RNF180: variants seen among roughly 807,000 people sequenced by gnomAD.
RNF180 encodes ring finger protein 180, also known as E3 ubiquitin-protein ligase RNF180.
A neutral mutation model predicts 59.2 loss-of-function variants in RNF180; 38 were observed. The observed-to-expected ratio is 0.64, with a 90% CI of 0.50 to 0.84. The LOEUF (loss-of-function observed/expected upper bound fraction) is 0.84. Among genes scored for constraint, RNF180 ranks in the 40% least tolerant of loss-of-function variants. RNF180 has a pLI of 0.00. For missense variants in RNF180, 705 were observed against 700.9 expected, an observed-to-expected ratio of 1.01 and a Z score of -0.07; for synonymous variants, 262 against 240.3, an observed-to-expected ratio of 1.09 and a Z score of -0.84.
chr5:64,193,120 C>A (rs956683361), intron 1 of RNF180, among the ~76,000 whole-genome samples: 1 of 151,228 alleles, frequency 6.6e-6, no homozygotes, highest in Non-Finnish European at 1.5e-5. Context: ...TTGTGACTGT[C>A]GGGATGGGGG....
chr5:64,183,441 CTTTTTTT>C (rs367772828), intron 1 of RNF180, among the ~76,000 whole-genome samples: 1 of 89,914 alleles, frequency 1.1e-5, no homozygotes, highest in Non-Finnish European at 2.1e-5. Context: ...GAAAGTATAC[CTTTTTTT>C]TTTTTTTTTT....
chr5:64,304,663 G>GA (rs2112463953), intron 5 of RNF180, among the ~76,000 whole-genome samples: 1 of 151,796 alleles, frequency 6.6e-6, no homozygotes, highest in South Asian at 2.1e-4. Flanking sequence ...GATAAGCAAT[G>GA]AAAGTGGTGG....
At chr5:64,276,319 G>GGTGTGTGTGTGT (rs375203511) in intron 5 of RNF180, among the ~76,000 whole-genome samples, 1,884 of 138,136 alleles carry the variant, frequency 0.014, 15 homozygotes, top group African/African-American at 0.022. Flanking sequence ...AAAATACATT[G>GGTGTGTGTGTGT]GTGTGTGTGT....
At chr5:64,315,193 TTAAG>T (rs1325071478) in intron 5 of RNF180, among the ~76,000 whole-genome samples, 1 of 152,212 alleles carries the variant, frequency 6.6e-6, no homozygotes, top group Non-Finnish European at 1.5e-5. Flanking sequence ...ACAAAAGTCA[TTAAG>T]TATTGGGAAT....
intron 5 of RNF180, among the ~76,000 whole-genome samples, chr5:64,258,731 A>G (rs1178557408): frequency 6.6e-6 from 1 of 152,162 alleles, no homozygotes; most frequent in Non-Finnish European, 1.5e-5. Context: ...CTGGGCTGAG[A>G]TATACTTTGA....
intron 5 of RNF180, among the ~76,000 whole-genome samples, chr5:64,232,603 A>G (rs1445173029): frequency 2.0e-5 from 3 of 152,250 alleles, no homozygotes; most frequent in East Asian, 1.9e-4. Flanking sequence ...GTCAAAAGTC[A>G]TAAGATTGAT....
intron 5 of RNF180, among the ~76,000 whole-genome samples, chr5:64,241,272 G>A (rs144284997): frequency 6.6e-6 from 1 of 152,240 alleles, no homozygotes; most frequent in East Asian, 1.9e-4. Context: ...TACTCATTTT[G>A]CCAGTCTCCT....
chr5:64,234,603 TTTTTTTTTTTTTTTG>T (rs1742305412), intron 5 of RNF180, among the ~76,000 whole-genome samples: 1 of 62,560 alleles, frequency 1.6e-5, no homozygotes, highest in African/African-American at 6.8e-5. Flanking sequence ...TTTTTTTTTT[TTTTTTTTTTTTTTTG>T]AGAAGGAGTC....
intron 5 of RNF180, among the ~76,000 whole-genome samples, chr5:64,274,786 G>GCTATA (rs1193702680): frequency 8.6e-5 from 13 of 151,842 alleles, no homozygotes; most frequent in African/African-American, 1.4e-4. Context: ...CTAGCTTGCT[G>GCTATA]CTATACATAG....
intron 1 of RNF180, among the ~76,000 whole-genome samples, chr5:64,169,607 C>T (rs902002949): frequency 3.9e-5 from 6 of 152,132 alleles, no homozygotes; most frequent in Admixed American, 3.3e-4. Context: ...GATCAAAGAA[C>T]GAGAAAGACA....
At chr5:64,252,314 T>C (rs956967875) in intron 5 of RNF180, among the ~76,000 whole-genome samples, 5 of 152,012 alleles carry the variant, frequency 3.3e-5, no homozygotes, top group South Asian at 2.1e-4. Context: ...TGAGGAGATA[T>C]TGGTCAAAGG....
intron 5 of RNF180, among the ~76,000 whole-genome samples, chr5:64,254,487 A>C (rs746832969): frequency 6.6e-6 from 1 of 152,174 alleles, no homozygotes; most frequent in Admixed American, 6.6e-5. Flanking sequence ...ATTTTGCAAC[A>C]TGCTTTTTAT....
intron 7 of RNF180, among the ~76,000 whole-genome samples, chr5:64,364,268 G>C (rs1746364117): frequency 1.3e-5 from 2 of 151,662 alleles, no homozygotes; most frequent in South Asian, 4.1e-4. Flanking sequence ...ATGCCTAGTT[G>C]GTTGAGAGTT....
At chr5:64,331,397 C>G (rs1268645797) in intron 7 of RNF180, among the ~76,000 whole-genome samples, 1 of 152,156 alleles carries the variant, frequency 6.6e-6, no homozygotes, top group Admixed American at 6.5e-5. Flanking sequence ...TCCAGGCCTG[C>G]CTATGGCCAC....
At chr5:64,350,439 T>G (rs1745752814) in intron 7 of RNF180, among the ~76,000 whole-genome samples, 1 of 152,192 alleles carries the variant, frequency 6.6e-6, no homozygotes, top group Admixed American at 6.5e-5. Context: ...AATTTTCGCT[T>G]TTGTTGCCAT....
chr5:64,256,580 T>C (rs564671844), intron 5 of RNF180, among the ~76,000 whole-genome samples: 1 of 152,228 alleles, frequency 6.6e-6, no homozygotes, highest in Admixed American at 6.5e-5. Flanking sequence ...TTGGTACCAG[T>C]ACCATGCTGT....
Position 64,307,391 on chromosome 5 carries a change from G to A in RNF180, c.1228-17795G>A, listed in dbSNP as rs114659359. Among the ~76,000 whole-genome samples the A allele has an allele frequency of 5.0e-3, 755 of 151,524 alleles. 7 individuals are homozygous for A. Among genetic ancestry groups the A allele is most frequent in the African/African-American group, 0.018 (734 of 41,404 alleles). On this transcript the variant is annotated intron_variant, in intron 5 of 7. Coordinates refer to ENST00000389100, the MANE Select transcript of RNF180 (RefSeq NM_001113561.2). ...ATTCTTTGATTCCAAATGTATAATA[G>A]AGAAAGACAAAATGAAGATTAATTA...
intron 5 of RNF180, among the ~76,000 whole-genome samples, chr5:64,256,010 G>A (rs1267760800): frequency 6.6e-6 from 1 of 152,126 alleles, no homozygotes; most frequent in Non-Finnish European, 1.5e-5. Context: ...TTTGAGAAGT[G>A]TCTGTTCATA....
chr5:64,355,879 T>A (rs1745999479), intron 7 of RNF180, among the ~76,000 whole-genome samples: 1 of 151,902 alleles, frequency 6.6e-6, no homozygotes, highest in Non-Finnish European at 1.5e-5. Flanking sequence ...AACTCCAAGT[T>A]GATCAATGAC....
Sources: gnomAD v4.1 joint callset for allele counts (sites outside exome capture counted in the v4.1 genomes callset) on GRCh38, gnomAD v4.1.1 for gene constraint, MANE v1.5 for transcripts, NCBI Gene and HGNC (gene_info 2026-07-23, HGNC 2026-07-21) for gene names.